SLC30A7: variants seen among roughly 807,000 people sequenced by gnomAD.
The protein encoded by SLC30A7 is zinc transporter 7.
SLC30A7 carries 35 observed loss-of-function variants against 46.0 expected under a neutral mutation model. The observed-to-expected ratio is 0.76, with a 90% CI of 0.58 to 1.01. SLC30A7 has a LOEUF of 1.01. SLC30A7 is among the 50% of genes least tolerant of loss of function. SLC30A7 has a pLI of 0.00. For synonymous variants in SLC30A7, 147 were observed against 157.8 expected (o/e 0.93, Z 0.51); for missense variants, 464 against 451.1 (o/e 1.03, Z -0.26).
At chr1:100,972,897 T>C (rs1656238655) in intron 10 of SLC30A7, among the ~76,000 whole-genome samples, 1 of 152,042 alleles carries the variant, frequency 6.6e-6, no homozygotes, top group South Asian at 2.1e-4. Context: ...ATCAATGCTT[T>C]TAAAATGAGA....
Position 100,921,812 on chromosome 1 carries a change from AATTCTTATAGCC to A in SLC30A7, c.824_835del (p.Ala275_Ile278del). Reference sequence around the variant, plus strand: ...TGATGATAGCAGATCCTATCTGTTCAATTCTTATAGCCATTCTTATAGTTGTAAGGTAAGTGT... The same window carrying A: ...TGATGATAGCAGATCCTATCTGTTCAATTCTTATAGTTGTAAGGTAAGTGT... On this transcript the variant is annotated inframe_deletion, in exon 8 of 11. Transcript: ENST00000357650. The A allele has an allele frequency of 6.2e-7, 1 of 1,613,152 alleles. No homozygotes were observed. The highest frequency in any genetic ancestry group is 8.5e-7 in the Non-Finnish European group (1 of 1,179,706).
At chr1:100,917,132 C>T (rs935479274) in intron 6 of SLC30A7, among the ~76,000 whole-genome samples, 1 of 152,116 alleles carries the variant, frequency 6.6e-6, no homozygotes, top group African/African-American at 2.4e-5. Context: ...CACTGGTATG[C>T]TTTAAAACCT....
chr1:100,901,447 G>T (rs191152307), intron 2 of SLC30A7, among the ~76,000 whole-genome samples: 98 of 152,032 alleles, frequency 6.4e-4, no homozygotes, highest in Admixed American at 2.4e-3. Context: ...CTTTATACAC[G>T]TAGAAGTTTT....
rs945333793 is a variant in SLC30A7, at chr1:100,977,606, G to A, written c.*2749G>A. ...CTCTTAAAAAAACCAAACAAAACTC[G>A]TATCTGAGTGTAACTTTGCCAATAT... On this transcript the variant is annotated 3_prime_UTR_variant, in exon 11 of 11. Transcript: ENST00000357650. The A allele has an allele frequency of 1.3e-5, 2 of 151,954 alleles. No individual in the cohort carries two copies. The highest frequency in any genetic ancestry group is 1.3e-4 in the Admixed American group (2 of 15,250). 9.4% of individuals were successfully genotyped at this position (151,954 alleles called of 1,614,324 possible). A position where few individuals can be genotyped will look rare whatever the true frequency, so the allele number is the denominator to read the frequency against.
chr1:100,943,879 A>T (rs1319387317), intron 8 of SLC30A7, among the ~76,000 whole-genome samples: 5 of 152,214 alleles, frequency 3.3e-5, no homozygotes, highest in Non-Finnish European at 5.9e-5. Flanking sequence ...TATAGCATAA[A>T]CTATATAAAA....
chr1:100,915,237 C>CT (rs1462899757), intron 6 of SLC30A7, among the ~76,000 whole-genome samples: 5 of 79,672 alleles, frequency 6.3e-5, no homozygotes, highest in African/African-American at 1.5e-4. Context: ...TTCTTTCTTT[C>CT]TTTCTTTCTT....
chr1:100,932,984 T>C (rs1035732768), intron 8 of SLC30A7, among the ~76,000 whole-genome samples: 3 of 150,802 alleles, frequency 2.0e-5, no homozygotes, highest in South Asian at 2.1e-4. Context: ...TTTTCTTTTT[T>C]TTTTTTTTTT....
chr1:100,905,034 G>T (rs1347487502), intron 2 of SLC30A7, among the ~76,000 whole-genome samples: 1 of 151,758 alleles, frequency 6.6e-6, no homozygotes, highest in Non-Finnish European at 1.5e-5. Context: ...TTCTTTTGGT[G>T]GCTTTTCTTA....
intron 8 of SLC30A7, among the ~76,000 whole-genome samples, chr1:100,934,922 G>A (rs1653860491): frequency 6.6e-6 from 1 of 151,986 alleles, no homozygotes; most frequent in Non-Finnish European, 1.5e-5. Flanking sequence ...CTTGAGCTTG[G>A]GAAGTCGAGG....
At chr1:100,929,350 A>G (rs1188701107) in intron 8 of SLC30A7, among the ~76,000 whole-genome samples, 7 of 152,066 alleles carry the variant, frequency 4.6e-5, no homozygotes, top group African/African-American at 7.2e-5. Flanking sequence ...CATTTTTTTC[A>G]TTTAAAAAAG....
chr1:100,980,586 T>A lies in SLC30A7; in HGVS notation c.*5729T>A, dbSNP rs1656867253. ...GTTAGGGATAGGTAAAACCAGTAAT[T>A]TACTGTTTTTTACAGAAGACATCTC... On this transcript the variant is annotated 3_prime_UTR_variant, in exon 11 of 11. Coordinates refer to ENST00000357650, the MANE Select transcript of SLC30A7 (RefSeq NM_133496.5). 6.6e-6 allele frequency: 1 copy of A among 152,034 alleles called. No individual in the cohort carries two copies. The highest frequency in any genetic ancestry group is 6.6e-5 in the Admixed American group (1 of 15,262). The allele number at this position is 152,034 out of a possible 1,614,324, so 9.4% of individuals were successfully genotyped here. A position where few individuals can be genotyped will look rare whatever the true frequency, so the allele number is the denominator to read the frequency against.
rs773944678 is a variant in SLC30A7, at chr1:100,918,136, A to G, written c.706+9A>G. 1.2e-5 allele frequency: 20 copies of G among 1,609,920 alleles called. No homozygotes were observed. The highest frequency in any genetic ancestry group is 1.7e-5 in the Admixed American group (1 of 59,790). On this transcript the variant is annotated intron_variant, in intron 7 of 10. Coordinates refer to ENST00000357650, the MANE Select transcript of SLC30A7 (RefSeq NM_133496.5). ...CAGACAGATTTTACAAGGTATGACA[A>G]GCAATTTTTATGTTTCTTAGTTTTT...
intron 3 of SLC30A7, among the ~76,000 whole-genome samples, chr1:100,907,393 CTTGCCGAG>C (rs968707705): frequency 1.5e-4 from 23 of 152,072 alleles, no homozygotes; most frequent in African/African-American, 5.3e-4. Context: ...TTCTTATATG[CTTGCCGAG>C]TTGGACAATT....
chr1:100,919,118 A>T (rs947144904), intron 7 of SLC30A7, among the ~76,000 whole-genome samples: 1 of 152,240 alleles, frequency 6.6e-6, no homozygotes, highest in Non-Finnish European at 1.5e-5. Context: ...TGAGAACTCC[A>T]TAATATTTGT....
At chr1:100,987,748 C>T in the SLC30A7 span, among the ~76,000 whole-genome samples, 1 of 150,852 alleles carries the variant, frequency 6.6e-6, no homozygotes, top group Admixed American at 6.6e-5. Flanking sequence ...TATTGTATTC[C>T]AGTCATTGTT....
intron 9 of SLC30A7, among the ~76,000 whole-genome samples, chr1:100,962,463 T>C (rs1348655847): frequency 6.6e-6 from 1 of 152,208 alleles, no homozygotes; most frequent in Non-Finnish European, 1.5e-5. Flanking sequence ...GAGCTAGCCA[T>C]ATGAAAATAC....
At chr1:100,990,378 T>C in the SLC30A7 span, 1 of 1,605,352 alleles carries the variant, frequency 6.2e-7, no homozygotes, top group South Asian at 1.1e-5. Flanking sequence ...ATGGCTGAAA[T>C]TTACATCAGA....
the SLC30A7 span, chr1:100,992,590 G>A: frequency 4.4e-5 from 60 of 1,355,206 alleles, no homozygotes; most frequent in Admixed American, 3.5e-4. Context: ...ACATCTAAAT[G>A]TAGTAACAGA....
chr1:100,967,049 A>G (rs1270970284), intron 10 of SLC30A7, among the ~76,000 whole-genome samples: 9 of 152,376 alleles, frequency 5.9e-5, no homozygotes, highest in African/African-American at 2.2e-4. Context: ...ACTGATTACT[A>G]TGGTATGTAT....
Sources: gnomAD v4.1 joint callset for allele counts (sites outside exome capture counted in the v4.1 genomes callset) on GRCh38, gnomAD v4.1.1 for gene constraint, MANE v1.5 for transcripts, NCBI Gene and HGNC (gene_info 2026-07-23, HGNC 2026-07-21) for gene names.